The following FBXL17 variants were observed in gnomAD, a reference collection of about 807,000 sequenced individuals.
FBXL17 encodes F-box/LRR-repeat protein 17.
A neutral mutation model predicts 66.2 loss-of-function variants in FBXL17; 22 were observed. The ratio of observed to expected loss-of-function variants is 0.33; its 90% CI spans 0.24 to 0.47. The LOEUF (loss-of-function observed/expected upper bound fraction) is 0.47. Ranked by LOEUF, FBXL17 falls within the 20% of genes least tolerant of loss-of-function variation. The pLI is 1.00. For missense variants in FBXL17, 878 were observed against 948.2 expected, an observed-to-expected ratio of 0.93 and a Z score of 0.97; for synonymous variants, 474 against 400.5, an observed-to-expected ratio of 1.18 and a Z score of -2.19.
chr5:107,946,462 A>G (rs547754871), intron 7 of FBXL17, among the ~76,000 whole-genome samples: 1 of 145,538 alleles, frequency 6.9e-6, no homozygotes, highest in South Asian at 2.2e-4. Flanking sequence ...GCCAATTATT[A>G]TTATTATTAT....
chr5:107,971,979 AT>A (rs1442711486), intron 7 of FBXL17, among the ~76,000 whole-genome samples: 2 of 152,190 alleles, frequency 1.3e-5, no homozygotes, highest in South Asian at 2.1e-4. Flanking sequence ...TATTATACTC[AT>A]TCACTAGATT....
intron 7 of FBXL17, among the ~76,000 whole-genome samples, chr5:107,969,984 A>C (rs1047674016): frequency 6.6e-6 from 1 of 152,210 alleles, no homozygotes; most frequent in African/African-American, 2.4e-5. Context: ...GCATATTTGC[A>C]TATTTAGAAA....
chr5:108,257,726 G>A (rs562126360), intron 4 of FBXL17, among the ~76,000 whole-genome samples: 1 of 152,182 alleles, frequency 6.6e-6, no homozygotes, highest in East Asian at 1.9e-4. Context: ...ATGTGCCCAG[G>A]TGGACTCAGT....
intron 4 of FBXL17, among the ~76,000 whole-genome samples, chr5:108,304,940 C>T (rs1397968084): frequency 5.9e-5 from 9 of 151,854 alleles, no homozygotes. Flanking sequence ...TACAATAAAA[C>T]TTTTGTATTA....
intron 4 of FBXL17, among the ~76,000 whole-genome samples, chr5:108,293,507 G>A (rs1004025225): frequency 6.6e-6 from 1 of 151,946 alleles, no homozygotes; most frequent in Non-Finnish European, 1.5e-5. Context: ...AAACTTTTAG[G>A]GGATCATATA....
intron 1 of FBXL17, among the ~76,000 whole-genome samples, chr5:108,377,002 C>T (rs913087953): frequency 6.6e-6 from 1 of 152,114 alleles, no homozygotes; most frequent in African/African-American, 2.4e-5. Flanking sequence ...GGCAGTGTGA[C>T]TACATCTGTT....
At chr5:108,007,198 G>T (rs1272839018) in intron 7 of FBXL17, among the ~76,000 whole-genome samples, 1 of 152,158 alleles carries the variant, frequency 6.6e-6, no homozygotes, top group African/African-American at 2.4e-5. Context: ...GTTAGTGAGG[G>T]TCCAATTTAG....
chr5:107,923,454 G>T (rs928888102), intron 7 of FBXL17, among the ~76,000 whole-genome samples: 1 of 152,090 alleles, frequency 6.6e-6, no homozygotes, highest in African/African-American at 2.4e-5. Context: ...GCCAATTCAT[G>T]TAGTCTTAAC....
Position 108,121,304 on chromosome 5 carries a change from G to A in FBXL17, c.1745+64813C>T, listed in dbSNP as rs374356544. 4.6e-5 allele frequency among the ~76,000 whole-genome samples: 7 copies of A among 151,978 alleles called. No individual in the cohort carries two copies. The East Asian group carries it at 9.7e-4, about 21-fold the overall frequency. On this transcript the variant is annotated intron_variant, in intron 6 of 8. Transcript: ENST00000542267. ...GATCATGCCACTGCCCTCCAGATTG[G>A]CAACAGAGCAAGACTCCATCTCAAA...
At position 108,381,944 on chromosome 5, in the gene FBXL17, C is replaced by T. The variant is rs2112688314; in HGVS notation, c.-253G>A. The T allele has an allele frequency of 2.4e-6, 3 of 1,242,368 alleles. No homozygotes were observed. Among genetic ancestry groups the T allele is most frequent in the Non-Finnish European group, 3.0e-6 (3 of 991,814 alleles). The allele number at this position is 1,242,368 out of a possible 1,614,324, so 77.0% of individuals were successfully genotyped here. ...GAACGATGGGCGCGAGCTTTGGGGA[C>T]GCGAGGGAGGGAGCGAGCGAGCCTG... On this transcript the variant is annotated 5_prime_UTR_variant, in exon 1 of 9. Transcript: ENST00000542267.
intron 6 of FBXL17, among the ~76,000 whole-genome samples, chr5:108,082,211 C>T (rs1748798905): frequency 6.8e-6 from 1 of 147,158 alleles, no homozygotes; most frequent in African/African-American, 2.5e-5. Flanking sequence ...ATTAAATCCC[C>T]TCTGGTAAAA....
chr5:108,046,595 C>T (rs1580368687), intron 6 of FBXL17, among the ~76,000 whole-genome samples: 1 of 152,156 alleles, frequency 6.6e-6, no homozygotes. Context: ...AAGAGTATCT[C>T]TTTATATAAC....
intron 7 of FBXL17, among the ~76,000 whole-genome samples, chr5:107,967,608 C>T (rs1752201968): frequency 6.6e-6 from 1 of 150,956 alleles, no homozygotes; most frequent in African/African-American, 2.4e-5. Context: ...TGCAGCACAC[C>T]AACACGGTGC....
At chr5:108,123,259 GT>G (rs1750574143) in intron 6 of FBXL17, among the ~76,000 whole-genome samples, 1 of 151,842 alleles carries the variant, frequency 6.6e-6, no homozygotes, top group African/African-American at 2.4e-5. Flanking sequence ...TTTCAATACA[GT>G]TTTATCCTGA....
chr5:108,086,857 C>T (rs1232943647), intron 6 of FBXL17, among the ~76,000 whole-genome samples: 9 of 151,954 alleles, frequency 5.9e-5, no homozygotes, highest in Non-Finnish European at 1.5e-5. Context: ...TACCGCACCC[C>T]GCCAGCTGTG....
At chr5:107,948,743 T>C (rs755068781) in intron 7 of FBXL17, among the ~76,000 whole-genome samples, 12 of 152,206 alleles carry the variant, frequency 7.9e-5, no homozygotes, top group Non-Finnish European at 1.8e-4. Context: ...TTATGTGAGA[T>C]TGAGAAAGTT....
rs547146518 is a variant in FBXL17, at chr5:108,271,749, G to A, written c.1507-47521C>T. ...AATGTTCATTCATTGCTTTCATCTA[G>A]TTGGAAAAATCCTTCCAAGTATTTA... On this transcript the variant is annotated intron_variant, in intron 4 of 8. Transcript: ENST00000542267. 3.7e-4 allele frequency among the ~76,000 whole-genome samples: 57 copies of A among 152,254 alleles called. 1 individual carries two copies. The highest frequency in any genetic ancestry group is 3.4e-3 in the Middle Eastern group (1 of 292).
intron 5 of FBXL17, among the ~76,000 whole-genome samples, chr5:108,215,623 T>A (rs895121051): frequency 1.3e-5 from 2 of 152,228 alleles, no homozygotes; most frequent in South Asian, 4.1e-4. Context: ...TTACCAGATA[T>A]GTGATTTGCA....
At chr5:108,093,059 AC>A (rs1405884661) in intron 6 of FBXL17, among the ~76,000 whole-genome samples, 1 of 152,096 alleles carries the variant, frequency 6.6e-6, no homozygotes, top group Admixed American at 6.6e-5. Context: ...TTAACTTTAT[AC>A]CTGTGCAGAC....
Sources: allele counts gnomAD v4.1 joint callset (sites outside exome capture counted in the v4.1 genomes callset), GRCh38; gene constraint gnomAD v4.1.1; transcripts MANE v1.5; gene names NCBI Gene and HGNC (gene_info 2026-07-23, HGNC 2026-07-21).